The following PIP5K1B variants were observed in gnomAD, a reference collection of about 807,000 sequenced individuals.
PIP5K1B encodes the protein phosphatidylinositol-4-phosphate 5-kinase type 1 beta, also known as phosphatidylinositol 4-phosphate 5-kinase type-1 beta.
In PIP5K1B, 42 loss-of-function variants were observed where a neutral mutation model predicts 67.0. That is an observed-to-expected ratio of 0.63 (90% CI 0.49 to 0.81). The LOEUF is 0.81. Ranked by LOEUF, PIP5K1B falls within the 30% of genes least tolerant of loss-of-function variation. The pLI is 0.00. For synonymous variants in PIP5K1B, 214 were observed against 231.4 expected (o/e 0.92, Z 0.68); for missense variants, 459 against 646.3 (o/e 0.71, Z 3.14).
chr9:68,790,917 A>G (rs926144438), intron 2 of PIP5K1B, among the ~76,000 whole-genome samples: 3 of 152,138 alleles, frequency 2.0e-5, no homozygotes, highest in Admixed American at 1.3e-4. Context: ...CTCCTTTTTG[A>G]ATTTCTAGAA....
rs149396442 is a variant in PIP5K1B at position 68,788,029 on chromosome 9, A to G, written c.-85-30432A>G. The stretch of plus-strand genomic sequence containing the variant: ...CAAGCAACAAATGTTGGTCTTTTTC[A>G]GTAGAAACCATGTTAAAAATAGTTA... On this transcript the variant is annotated intron_variant, in intron 2 of 15. Coordinates refer to ENST00000265382, the MANE Select transcript of PIP5K1B (RefSeq NM_003558.4). 4.7e-4 allele frequency among the ~76,000 whole-genome samples: 72 copies of G among 152,374 alleles called. 2 individuals carry two copies. In the East Asian group the frequency reaches 0.013, roughly 28 times the overall value.
intron 14 of PIP5K1B, among the ~76,000 whole-genome samples, chr9:68,951,776 G>A (rs1480047251): frequency 1.3e-5 from 2 of 152,048 alleles, no homozygotes; most frequent in Non-Finnish European, 2.9e-5. Flanking sequence ...ACAAATAGTC[G>A]TGTAACATGT....
intron 2 of PIP5K1B, among the ~76,000 whole-genome samples, chr9:68,752,381 G>A (rs930687944): frequency 1.3e-5 from 2 of 152,204 alleles, no homozygotes; most frequent in African/African-American, 2.4e-5. Context: ...TACATAGTTA[G>A]TGCAAGGGTA....
intron 2 of PIP5K1B, among the ~76,000 whole-genome samples, chr9:68,773,224 C>G (rs1830750400): frequency 6.6e-6 from 1 of 152,200 alleles, no homozygotes; most frequent in Non-Finnish European, 1.5e-5. Context: ...ATCCATAAAG[C>G]CATCAGTTCC....
rs1398968487 is a variant in PIP5K1B, at chr9:68,733,149, C to A, written c.-242-9352C>A. ...TTATTTTTAGAAGTCCTCTAAGAAG[C>A]CAACCATCCAACCACAAAATTTCCA... On this transcript the variant is annotated intron_variant, in intron 1 of 15. Coordinates refer to ENST00000265382, the MANE Select transcript of PIP5K1B (RefSeq NM_003558.4). Among the ~76,000 whole-genome samples the A allele has an allele frequency of 2.0e-5, 3 of 152,134 alleles. No individual in the cohort carries two copies. In the South Asian group the frequency reaches 6.2e-4, roughly 32 times the overall value.
At chr9:68,918,335 C>T (rs1826205261) in intron 9 of PIP5K1B, among the ~76,000 whole-genome samples, 1 of 152,178 alleles carries the variant, frequency 6.6e-6, no homozygotes, top group African/African-American at 2.4e-5. Context: ...TGTGATCCAC[C>T]TGCCTTGGCT....
At chr9:68,979,974 T>C (rs541221826) in intron 14 of PIP5K1B, among the ~76,000 whole-genome samples, 14 of 152,318 alleles carry the variant, frequency 9.2e-5, no homozygotes, top group Admixed American at 8.5e-4. Context: ...CTAAGCATTC[T>C]GGGTGCAGTG....
At chr9:68,934,843 T>C in intron 12 of PIP5K1B, 47 bp from the exon 13 acceptor site, 2 of 1,344,428 alleles carry the variant, frequency 1.5e-6, no homozygotes, top group Non-Finnish European at 2.0e-6. Flanking sequence ...AATAGTAATG[T>C]GATTTTACAG....
intron 4 of PIP5K1B, among the ~76,000 whole-genome samples, chr9:68,838,973 T>C (rs2132143258): frequency 1.3e-5 from 2 of 152,316 alleles, no homozygotes; most frequent in South Asian, 4.1e-4. Flanking sequence ...TTCCTTATAG[T>C]TTGGAGAATG....
intron 12 of PIP5K1B, among the ~76,000 whole-genome samples, chr9:68,931,986 A>T (rs1827026763): frequency 6.6e-6 from 1 of 152,202 alleles, no homozygotes. Flanking sequence ...ACCACTTGAG[A>T]CAAAAGTGAA....
intron 13 of PIP5K1B, among the ~76,000 whole-genome samples, chr9:68,935,703 C>T (rs1276068665): frequency 6.6e-6 from 1 of 152,204 alleles, no homozygotes; most frequent in Non-Finnish European, 1.5e-5. Flanking sequence ...TACACATACA[C>T]ACACATACAC....
chr9:68,902,813 T>A (rs1347645118), intron 8 of PIP5K1B, among the ~76,000 whole-genome samples: 1 of 152,184 alleles, frequency 6.6e-6, no homozygotes, highest in African/African-American at 2.4e-5. Flanking sequence ...CTCTGGTAAG[T>A]GTGTATTTAA....
At chr9:68,752,396 A>G (rs1564108359) in intron 2 of PIP5K1B, among the ~76,000 whole-genome samples, 1 of 152,206 alleles carries the variant, frequency 6.6e-6, no homozygotes, top group Non-Finnish European at 1.5e-5. Context: ...AGGGTAGGAT[A>G]TTGCTTTTTA....
At chr9:69,003,406 C>T (rs1465585997) in intron 15 of PIP5K1B, among the ~76,000 whole-genome samples, 1 of 149,734 alleles carries the variant, frequency 6.7e-6, no homozygotes, top group Non-Finnish European at 1.5e-5. Context: ...ATTTCCTGGA[C>T]ACCAGAGAAA....
intron 1 of PIP5K1B, chr9:68,727,636 T>C (rs779789855): frequency 3.9e-5 from 6 of 152,204 alleles, no homozygotes; most frequent in Non-Finnish European, 7.3e-5. Context: ...TGTTTAATAA[T>C]CACAGCAACC....
chr9:68,870,246 G>A (rs1587590979), intron 5 of PIP5K1B, among the ~76,000 whole-genome samples: 3 of 152,108 alleles, frequency 2.0e-5, no homozygotes, highest in South Asian at 4.2e-4. Context: ...ATGACATCCC[G>A]GAATGCACTG....
rs1372569475 is a variant in PIP5K1B, at chr9:68,913,885, G to A, written c.772-3663G>A. On this transcript the variant is annotated intron_variant, in intron 8 of 15. Transcript: ENST00000265382. ...AATTTATTCTTTAAAAAAAAAAATC[G>A]GACCCCTTACAGGATCAGGATAGTG... is the stretch of plus-strand genomic sequence containing the variant. Among the ~76,000 whole-genome samples, 11 of 151,532 alleles carry A rather than the reference G, an allele frequency of 7.3e-5. 1 individual carries two copies. In the South Asian group the frequency reaches 1.9e-3, roughly 26 times the overall value.
At chr9:68,849,775 T>C (rs1822386764) in intron 4 of PIP5K1B, among the ~76,000 whole-genome samples, 1 of 152,218 alleles carries the variant, frequency 6.6e-6, no homozygotes, top group African/African-American at 2.4e-5. Flanking sequence ...CAAGAATAAG[T>C]GTGAGAAGGG....
At chr9:68,789,249 G>T in intron 2 of PIP5K1B, 1 of 456,888 alleles carries the variant, frequency 2.2e-6, no homozygotes, top group South Asian at 2.0e-5. Context: ...TCGAAGGATA[G>T]TGGGAGGCTT....
Sources: allele counts gnomAD v4.1 joint callset (sites outside exome capture counted in the v4.1 genomes callset), GRCh38; gene constraint gnomAD v4.1.1; transcripts MANE v1.5; gene names NCBI Gene and HGNC (gene_info 2026-07-23, HGNC 2026-07-21).